Variants in SYT1 observed in about 807,000 individuals in gnomAD.
SYT1 encodes the protein synaptotagmin-1.
In SYT1, 8 loss-of-function variants were observed where a neutral mutation model predicts 44.8. The observed-to-expected ratio is 0.18, with a 90% CI of 0.10 to 0.32. The LOEUF (loss-of-function observed/expected upper bound fraction) is 0.32. Ranked by LOEUF, SYT1 falls within the 10% of genes least tolerant of loss-of-function variation. The pLI, the probability that SYT1 is intolerant of heterozygous loss-of-function variation, is 1.00. For synonymous variants in SYT1, 154 were observed against 188.8 expected (o/e 0.82, Z 1.51); for missense variants, 286 against 509.3 (o/e 0.56, Z 4.22).
chr12:79,052,025 C>A (rs1270720990), intron 3 of SYT1, among the ~76,000 whole-genome samples: 1 of 151,934 alleles, frequency 6.6e-6, no homozygotes, highest in African/African-American at 2.4e-5. Context: ...TTTTTTGGTT[C>A]CATATGAACT....
chr12:79,184,132 A>G (rs1420114260), intron 3 of SYT1, among the ~76,000 whole-genome samples: 3 of 152,104 alleles, frequency 2.0e-5, no homozygotes, highest in Non-Finnish European at 2.9e-5. Context: ...GAAAATATGA[A>G]TAGAAAGAGG....
At chr12:78,968,905 C>T (rs1868312082) in intron 1 of SYT1, among the ~76,000 whole-genome samples, 1 of 152,146 alleles carries the variant, frequency 6.6e-6, no homozygotes, top group South Asian at 2.1e-4. Flanking sequence ...TGCCTGCCCT[C>T]ATGCATTGTA....
intron 1 of SYT1, among the ~76,000 whole-genome samples, chr12:78,954,447 G>A (rs1464734267): frequency 1.3e-5 from 2 of 151,786 alleles, no homozygotes; most frequent in Non-Finnish European, 2.9e-5. Flanking sequence ...AATGATAGCA[G>A]GTATTAAGTG....
chr12:79,176,545 C>A (rs1054006750), intron 3 of SYT1, among the ~76,000 whole-genome samples: 2 of 152,004 alleles, frequency 1.3e-5, no homozygotes, highest in African/African-American at 4.8e-5. Context: ...CTGAGTAATT[C>A]TTTTAACTAA....
At chr12:79,283,742 T>C (rs1246419747) in intron 4 of SYT1, among the ~76,000 whole-genome samples, 1 of 152,132 alleles carries the variant, frequency 6.6e-6, no homozygotes. Context: ...ATGTAATCTT[T>C]ACCTTGTTTA....
At chr12:79,005,013 A>G (rs901422656) in intron 2 of SYT1, among the ~76,000 whole-genome samples, 1 of 152,084 alleles carries the variant, frequency 6.6e-6, no homozygotes, top group Admixed American at 6.6e-5. Flanking sequence ...CTTGAAAACC[A>G]TAATAGATAG....
intron 1 of SYT1, among the ~76,000 whole-genome samples, chr12:78,967,263 A>T (rs1868271533): frequency 6.6e-6 from 1 of 152,214 alleles, no homozygotes; most frequent in East Asian, 1.9e-4. Flanking sequence ...AGTATTTGAA[A>T]GGATAAAGTA....
chr12:79,121,257 T>C (rs1327439645), intron 3 of SYT1, among the ~76,000 whole-genome samples: 3 of 152,044 alleles, frequency 2.0e-5, no homozygotes, highest in East Asian at 3.9e-4. Flanking sequence ...TGAGTCTTAC[T>C]CCCAAGAGAC....
At chr12:79,379,361 G>A (rs1010549103) in intron 9 of SYT1, among the ~76,000 whole-genome samples, 2 of 151,810 alleles carry the variant, frequency 1.3e-5, no homozygotes, top group Non-Finnish European at 2.9e-5. Flanking sequence ...AAGGAATGAA[G>A]AAAATTGGCC....
chr12:79,370,766 AAAT>A (rs534948655), intron 9 of SYT1, among the ~76,000 whole-genome samples: 5 of 152,062 alleles, frequency 3.3e-5, no homozygotes, highest in Admixed American at 3.3e-4. Flanking sequence ...CCGTCTCAAA[AAAT>A]AATAATAATA....
At position 79,005,370 on chromosome 12, in the gene SYT1, C is replaced by T. The variant is rs183249180; in HGVS notation, c.-84+27439C>T. On this transcript the variant is annotated intron_variant, in intron 2 of 10. Coordinates refer to ENST00000261205, the MANE Select transcript of SYT1 (RefSeq NM_005639.3). Reference sequence around the variant, plus strand: ...TAAGAACATGGAATTTAAGGTCCCACAAACCTGGATTGCAATCTCAGTTTT... The same window carrying T: ...TAAGAACATGGAATTTAAGGTCCCATAAACCTGGATTGCAATCTCAGTTTT... 1.5e-3 allele frequency among the ~76,000 whole-genome samples: 225 copies of T among 152,072 alleles called. 1 individual carries two copies. Among genetic ancestry groups the T allele is most frequent in the African/African-American group, 5.3e-3 (221 of 41,514 alleles).
In SYT1 at chr12:79,017,357, A is replaced by G. The variant is rs370415620; in HGVS notation, c.-83-29940A>G. Among the ~76,000 whole-genome samples, 31 of 152,272 alleles carry G rather than the reference A, an allele frequency of 2.0e-4. 1 individual carries two copies. The highest frequency in any genetic ancestry group is 7.0e-4 in the African/African-American group (29 of 41,576). ...TGTCTTCAGTGAGCTGTCTAATAAAATAACCAAGCATGTAAGCAAATAACC... is the reference window on the plus strand; with the variant it reads ...TGTCTTCAGTGAGCTGTCTAATAAAGTAACCAAGCATGTAAGCAAATAACC... On this transcript the variant is annotated intron_variant, in intron 2 of 10. Transcript: ENST00000261205.
At chr12:79,032,881 A>C (rs1179254441) in intron 2 of SYT1, among the ~76,000 whole-genome samples, 3 of 151,296 alleles carry the variant, frequency 2.0e-5, no homozygotes, top group Non-Finnish European at 3.0e-5. Flanking sequence ...ATTGAAAAAC[A>C]AAGCAAAAAA....
At chr12:79,213,369 A>G (rs1565858277) in intron 3 of SYT1, among the ~76,000 whole-genome samples, 1 of 152,198 alleles carries the variant, frequency 6.6e-6, no homozygotes, top group Non-Finnish European at 1.5e-5. Flanking sequence ...ATAGTGGCTA[A>G]GACACCTTGG....
intron 4 of SYT1, among the ~76,000 whole-genome samples, chr12:79,261,737 G>A (rs976453933): frequency 6.6e-6 from 1 of 152,110 alleles, no homozygotes; most frequent in Non-Finnish European, 1.5e-5. Context: ...ATCACCTCAT[G>A]TAATTCTCAC....
intron 4 of SYT1, among the ~76,000 whole-genome samples, chr12:79,224,942 G>GC (rs2138592690): frequency 6.6e-6 from 1 of 151,824 alleles, no homozygotes; most frequent in East Asian, 2.0e-4. Flanking sequence ...ACCACGCCTG[G>GC]CTAATTTTTT....
intron 1 of SYT1, among the ~76,000 whole-genome samples, chr12:78,963,846 G>T (rs532954813): frequency 6.6e-6 from 1 of 152,232 alleles, no homozygotes; most frequent in South Asian, 2.1e-4. Context: ...ATTAAATCAG[G>T]ATACCAAAGA....
chr12:78,957,505 A>G (rs112157835), intron 1 of SYT1, among the ~76,000 whole-genome samples: 6 of 152,186 alleles, frequency 3.9e-5, no homozygotes, highest in Non-Finnish European at 8.8e-5. Context: ...CTTTGGGATG[A>G]ATTTTATTGA....
At chr12:79,276,509 C>G (rs1393884122) in intron 4 of SYT1, among the ~76,000 whole-genome samples, 2 of 151,780 alleles carry the variant, frequency 1.3e-5, no homozygotes, top group East Asian at 3.9e-4. Flanking sequence ...AACCCCATCT[C>G]TACTAAAAAT....
Sources: allele counts gnomAD v4.1 joint callset (sites outside exome capture counted in the v4.1 genomes callset), GRCh38; gene constraint gnomAD v4.1.1; transcripts MANE v1.5; gene names NCBI Gene and HGNC (gene_info 2026-07-23, HGNC 2026-07-21).